Variants in ANK3 observed in about 807,000 individuals in gnomAD.
ANK3 encodes the protein ankyrin 3.
ANK3 carries 57 observed loss-of-function variants against 370.9 expected under a neutral mutation model. The observed-to-expected ratio is 0.15, with a 90% CI of 0.12 to 0.19. ANK3 has a LOEUF of 0.19. ANK3 is among the 10% of genes least tolerant of loss of function. The pLI is 1.00. For missense variants in ANK3, 4,439 were observed against 5,302.1 expected (o/e 0.84, Z 5.06); for synonymous variants, 1,929 against 1,946.3 (o/e 0.99, Z 0.23).
At chr10:60,392,767 A>G (rs2063139413), upstream of ANK3, among the ~76,000 whole-genome samples, 1 of 152,104 alleles carries the variant, frequency 6.6e-6, no homozygotes, top group Admixed American at 6.6e-5. Context: ...CATCTCTACT[A>G]AAAATACAAA....
chr10:60,615,132 A>T, intron 2 of ANK3: 1 of 1,199,368 alleles, frequency 8.3e-7, no homozygotes, highest in Non-Finnish European at 1.1e-6. Flanking sequence ...TGTAAGAAGA[A>T]ACTTGTCCAC....
chr10:60,460,421 G>A (rs1364581444), intron 2 of ANK3, among the ~76,000 whole-genome samples: 1 of 152,140 alleles, frequency 6.6e-6, no homozygotes, highest in Non-Finnish European at 1.5e-5. Context: ...GCCAGAGTCA[G>A]CCAAACAGAT....
intron 1 of ANK3, among the ~76,000 whole-genome samples, chr10:60,302,539 C>G (rs1163074372): frequency 1.3e-5 from 2 of 152,092 alleles, no homozygotes; most frequent in Non-Finnish European, 2.9e-5. Flanking sequence ...AGCAATTTCT[C>G]TGTTTGTGAG....
chr10:60,608,798 T>C (rs2078163544), intron 2 of ANK3, among the ~76,000 whole-genome samples: 1 of 152,174 alleles, frequency 6.6e-6, no homozygotes, highest in Admixed American at 6.6e-5. Flanking sequence ...GTTCCTCTAT[T>C]TCGGATCCCA....
intron 1 of ANK3, among the ~76,000 whole-genome samples, chr10:60,293,523 A>G (rs1032999578): frequency 1.3e-5 from 2 of 152,250 alleles, no homozygotes; most frequent in African/African-American, 2.4e-5. Context: ...AAGCGAAGAG[A>G]GGTGTGATTT....
intron 43 of ANK3, 49 bp from the exon 44 acceptor site, chr10:60,029,875 CTTTTTTTTTTTTTTTTTT>C (rs71015756): frequency 8.7e-5 from 6 of 68,606 alleles, no homozygotes; most frequent in Non-Finnish European, 1.5e-4. Flanking sequence ...TTTTCTTTTT[CTTTTTTTTTTTTTTTTTT>C]TTTTTTTTTT....
intron 42 of ANK3, chr10:60,044,265 T>A (rs1182358914): frequency 9.1e-6 from 9 of 985,060 alleles, no homozygotes; most frequent in African/African-American, 1.8e-5. Context: ...TGATGATTAC[T>A]TTTCTGGTGA....
chr10:60,245,068 T>C (rs916092455), intron 7 of ANK3, among the ~76,000 whole-genome samples: 1 of 152,032 alleles, frequency 6.6e-6, no homozygotes, highest in African/African-American at 2.4e-5. Flanking sequence ...ACTTGGGAGG[T>C]TGAGGCAGGA....
chr10:60,348,212 T>A (rs2056064180), intron 1 of ANK3, among the ~76,000 whole-genome samples: 1 of 152,004 alleles, frequency 6.6e-6, no homozygotes. Context: ...CAGACTCATA[T>A]TTGAGTCTTA....
At chr10:60,633,919 G>A (rs76305155) in intron 1 of ANK3, among the ~76,000 whole-genome samples, 1 of 152,220 alleles carries the variant, frequency 6.6e-6, no homozygotes, top group African/African-American at 2.4e-5. Flanking sequence ...TCCTGCCTTA[G>A]AGCCAAACAC....
At position 60,186,452 on chromosome 10, in the gene ANK3, G is replaced by T. The variant is rs2096335729; in HGVS notation, c.2085+263C>A. Among the ~76,000 whole-genome samples, 3 of 151,670 alleles carry T rather than the reference G, an allele frequency of 2.0e-5. No homozygotes were observed. The South Asian group carries it at 6.3e-4, about 32-fold the overall frequency. On this transcript the variant is annotated intron_variant, in intron 17 of 43. Transcript: ENST00000280772. ...TGCAGCCTCCATCTTCTGGGCTCGA[G>T]CAGTCTACCCGCCTTGTCTTCCCAA... is the stretch of plus-strand genomic sequence containing the variant.
intron 2 of ANK3, among the ~76,000 whole-genome samples, chr10:60,488,109 A>G (rs754844041): frequency 5.3e-5 from 8 of 152,182 alleles, no homozygotes; most frequent in African/African-American, 9.7e-5. Flanking sequence ...AGATACAGGG[A>G]AAAAAGAGGT....
At position 60,071,479 on chromosome 10, in the gene ANK3, T is replaced by C. The variant is rs1313714629; in HGVS notation, c.9402A>G (p.Thr3134=). 2 of 1,613,844 alleles carry C rather than the reference T, an allele frequency of 1.2e-6. No individual in the cohort carries two copies. The highest frequency in any genetic ancestry group is 1.3e-5 in the African/African-American group (1 of 74,878). Residue 3134 remains threonine (T), a synonymous_variant, in exon 37 of 44, where the codon ACA becomes ACG. Coordinates refer to ENST00000280772, the MANE Select transcript of ANK3 (RefSeq NM_020987.5). ...TVQETRGTFY[T]TRQQKQPPSP... ...AAGGAGGTTGCTTTTGCTGTCTAGT[T>C]GTATAAAAGGTCCCCCTGGTTTCTT...
chr10:60,134,480 C>T (rs753393957), intron 24 of ANK3, 107 bp from the exon 25 acceptor site: 1 of 745,220 alleles, frequency 1.3e-6, no homozygotes, highest in Non-Finnish European at 2.1e-6. Flanking sequence ...CTAAAAATAT[C>T]AACAAAAGTT....
At position 60,410,604 on chromosome 10, in the gene ANK3, G is replaced by A. The variant is rs2063539135; in HGVS notation, c.97-130965C>T. Among the ~76,000 whole-genome samples, 3 of 152,172 alleles carry A rather than the reference G, an allele frequency of 2.0e-5. No individual in the cohort carries two copies. In the South Asian group the frequency reaches 6.2e-4, roughly 32 times the overall value. On this transcript the variant is annotated intron_variant, in intron 2 of 43. Coordinates refer to the ANK3 transcript ENST00000373827. ...TGGGTGAAGCCATGTGTCTGAGGAT[G>A]AAAGGGGATGCAGATTGATGTGACA...
intron 1 of ANK3, among the ~76,000 whole-genome samples, chr10:60,640,738 A>G (rs1427152281): frequency 1.1e-5 from 1 of 88,432 alleles, no homozygotes; most frequent in Non-Finnish European, 2.5e-5. Flanking sequence ...CAAGACAGCG[A>G]TGCCCTCTCT....
At position 60,105,992 on chromosome 10, in the gene ANK3, G is replaced by A. The variant is rs775324952; in HGVS notation, c.3241C>T (p.Arg1081Ter). 1 of 1,612,046 alleles carries A rather than the reference G, an allele frequency of 6.2e-7. No individual in the cohort carries two copies. Reference protein sequence around the residue: ...RGKERELIVLRSENGETWKEH... With the variant: ...RGKERELIVL ...TTCCAAGTTTCACCATTTTCACTTC[G>A]AAGAACAATGAGTTCTCTCTCTTTT... The change falls in exon 28 of 44, where the codon CGA becomes TGA. Residue 1081 changes from arginine (R) to a stop codon, truncating the protein, a stop_gained. Transcript: ENST00000280772. LOFTEE classifies it high-confidence loss of function.
chr10:60,106,162 G>A, intron 27 of ANK3, 103 bp from the exon 28 acceptor site: 1 of 1,054,062 alleles, frequency 9.5e-7, no homozygotes, highest in South Asian at 1.7e-5. Context: ...AATCAGAGGT[G>A]CCACTAAGGT....
At chr10:60,492,741 A>G (rs182347005) in intron 2 of ANK3, among the ~76,000 whole-genome samples, 84 of 148,614 alleles carry the variant, frequency 5.7e-4, no homozygotes, top group African/African-American at 1.8e-3. Context: ...AAGAAAGAAA[A>G]AAAAAAGAAA....
Sources: allele counts gnomAD v4.1 joint callset (sites outside exome capture counted in the v4.1 genomes callset), GRCh38; gene constraint gnomAD v4.1.1; transcripts MANE v1.5; gene names NCBI Gene and HGNC (gene_info 2026-07-23, HGNC 2026-07-21).